Variants in PPP2R5C observed in about 807,000 individuals in gnomAD.
The protein encoded by PPP2R5C is serine/threonine-protein phosphatase 2A 56 kDa regulatory subunit gamma isoform.
Under a neutral mutation model 68.9 loss-of-function variants are expected in PPP2R5C, and 7 were observed. The ratio of observed to expected loss-of-function variants is 0.10; its 90% CI spans 0.06 to 0.19. PPP2R5C has a LOEUF of 0.19. PPP2R5C is among the 10% of genes least tolerant of loss of function. The pLI is 1.00. For missense variants in PPP2R5C, 348 were observed against 641.3 expected (o/e 0.54, Z 4.94); for synonymous variants, 210 against 222.2 (o/e 0.95, Z 0.49).
rs752562122 is a variant in PPP2R5C, at chr14:101,912,489, A to G, written c.1326+16A>G. On this transcript the variant is annotated intron_variant, in intron 12 of 13. Coordinates refer to ENST00000334743, the Ensembl canonical transcript of PPP2R5C. Reference sequence around the variant, plus strand: ...CAATCCCCAGGTACTAAAAAAGAGAATAACATGAAAACGCCCAGGGTTACT... The same window carrying G: ...CAATCCCCAGGTACTAAAAAAGAGAGTAACATGAAAACGCCCAGGGTTACT... 2.5e-6 allele frequency: 4 copies of G among 1,598,530 alleles called. No individual in the cohort carries two copies. Among genetic ancestry groups the G allele is most frequent in the South Asian group, 1.1e-5 (1 of 87,996 alleles).
At chr14:101,801,412 A>T (rs2038857371) in intron 3 of PPP2R5C, among the ~76,000 whole-genome samples, 1 of 152,206 alleles carries the variant, frequency 6.6e-6, no homozygotes, top group African/African-American at 2.4e-5. Flanking sequence ...ATATTTGGGG[A>T]GTGATTCTTC....
intron 5 of PPP2R5C, 83 bp from the exon 8 acceptor site, chr14:101,890,154 G>C: frequency 7.9e-7 from 1 of 1,262,812 alleles, no homozygotes; most frequent in Non-Finnish European, 1.1e-6. Context: ...TTGTTGCCTG[G>C]CTCCATGGCT....
At chr14:101,901,415 A>T (rs2045683746) in intron 8 of PPP2R5C, among the ~76,000 whole-genome samples, 1 of 152,206 alleles carries the variant, frequency 6.6e-6, no homozygotes, top group Non-Finnish European at 1.5e-5. Context: ...GGTCCCAGCT[A>T]CTCAGAGGCT....
At chr14:101,760,923 G>C (rs1377815663), upstream of PPP2R5C, among the ~76,000 whole-genome samples, 1 of 105,020 alleles carries the variant, frequency 9.5e-6, no homozygotes, top group South Asian at 3.7e-4. Flanking sequence ...GCCGAGGGGA[G>C]GGGCTGGCCG....
chr14:101,841,843 G>A (rs1198593452), intron 1 of PPP2R5C, among the ~76,000 whole-genome samples: 1 of 152,198 alleles, frequency 6.6e-6, no homozygotes, highest in Non-Finnish European at 1.5e-5. Flanking sequence ...GAGTCGTGCA[G>A]TCCCTCACAG....
At chr14:101,821,832 T>G (rs2040092182) in intron 1 of PPP2R5C, among the ~76,000 whole-genome samples, 1 of 152,088 alleles carries the variant, frequency 6.6e-6, no homozygotes, top group South Asian at 2.1e-4. Flanking sequence ...GCATAGGTGC[T>G]CTAGGCTAAT....
chr14:101,761,847 G>A (rs1423313715), upstream of PPP2R5C: 5 of 1,037,136 alleles, frequency 4.8e-6, no homozygotes, highest in Admixed American at 5.9e-5. Context: ...TGCTGCGGGG[G>A]CAGGCGGCGG....
intron 2 of PPP2R5C, among the ~76,000 whole-genome samples, chr14:101,870,766 T>C (rs1427094145): frequency 6.6e-6 from 1 of 152,256 alleles, no homozygotes; most frequent in Non-Finnish European, 1.5e-5. Context: ...TTGCAGCCTA[T>C]GTACACAGCA....
At chr14:101,921,422 A>C (rs140093761) in intron 13 of PPP2R5C, 1 of 152,738 alleles carries the variant, frequency 6.5e-6, no homozygotes, top group South Asian at 2.0e-4. Context: ...TTCTGAAAGC[A>C]CTATGGTTAA....
chr14:101,882,325 C>A lies in PPP2R5C; in HGVS notation c.405+54C>A. ...GGGCACTGGTGACACATGGGAATGG[C>A]CTGGGATCCACAGAGCGGGCGCACT... is the stretch of plus-strand genomic sequence containing the variant. On this transcript the variant is annotated intron_variant, in intron 3 of 13. Transcript: ENST00000334743. The surrounding 1 kb of genome is among the most constrained non-coding windows in gnomAD (Gnocchi z 4.9). The A allele has an allele frequency of 1.4e-6, 2 of 1,419,926 alleles. No individual in the cohort carries two copies. Among genetic ancestry groups the A allele is most frequent in the East Asian group, 2.3e-5 (1 of 42,676 alleles). 88.0% of individuals were successfully genotyped at this position (1,419,926 alleles called of 1,614,324 possible). A position where few individuals can be genotyped will look rare whatever the true frequency, so the allele number is the denominator to read the frequency against.
intron 1 of PPP2R5C, chr14:101,824,324 A>G: frequency 1.9e-6 from 1 of 522,730 alleles, no homozygotes; most frequent in Non-Finnish European, 2.9e-6. Context: ...GCTCTGTTTT[A>G]GTGTAGACAT....
intron 2 of PPP2R5C, among the ~76,000 whole-genome samples, chr14:101,865,547 G>A (rs189198620): frequency 3.6e-4 from 55 of 152,344 alleles, no homozygotes; most frequent in African/African-American, 1.3e-3. Flanking sequence ...CCAGAAGGGA[G>A]GGAGTCGTGT....
chr14:101,872,634 T>A (rs754818656), intron 2 of PPP2R5C, among the ~76,000 whole-genome samples: 15 of 152,222 alleles, frequency 9.9e-5, no homozygotes, highest in Non-Finnish European at 1.8e-4. Context: ...GCATTATTTC[T>A]GATGAGATGT....
rs528984607 is a variant in PPP2R5C, at chr14:101,786,173, A to G, written c.249A>G (p.Pro83=). Residue 83 remains proline, a synonymous_variant, in exon 3 of 15, where the codon CCA becomes CCG. Coordinates refer to the PPP2R5C transcript ENST00000328724. ...ATAATAGAGAACTTCAAAAACTACCATCCTTAAAAGGTAATTTTTATTTGT... is the reference window on the plus strand; with the variant it reads ...ATAATAGAGAACTTCAAAAACTACCGTCCTTAAAAGGTAATTTTTATTTGT... The G allele has an allele frequency of 5.8e-6, 9 of 1,560,114 alleles. No homozygotes were observed. In the East Asian group the frequency reaches 9.2e-5, roughly 16 times the overall value.
chr14:101,924,770 T>C (rs58803878), intron 13 of PPP2R5C, among the ~76,000 whole-genome samples: 22,180 of 152,016 alleles, frequency 0.15, 2,440 homozygotes, highest in East Asian at 0.3. Flanking sequence ...AATGCTTCTG[T>C]AGGGGACATG....
intron 1 of PPP2R5C, among the ~76,000 whole-genome samples, chr14:101,837,442 C>T (rs890789217): frequency 2.0e-5 from 3 of 152,128 alleles, no homozygotes; most frequent in African/African-American, 7.2e-5. Context: ...CCACCGTGCC[C>T]GACCCTCATG....
intron 10 of PPP2R5C, among the ~76,000 whole-genome samples, chr14:101,908,190 T>C (rs2046169333): frequency 6.6e-6 from 1 of 152,200 alleles, no homozygotes. Flanking sequence ...ATGCGTAAAG[T>C]ACCTGGCTTA....
intron 2 of PPP2R5C, among the ~76,000 whole-genome samples, chr14:101,763,770 A>G (rs142389849): frequency 9.2e-5 from 14 of 152,176 alleles, no homozygotes; most frequent in African/African-American, 3.4e-4. Context: ...TGGTGTTGCT[A>G]TGTTGCTTTT....
At chr14:101,872,219 C>CTTTTTTTTTTTTTT (rs386382344) in intron 2 of PPP2R5C, among the ~76,000 whole-genome samples, 1 of 91,196 alleles carries the variant, frequency 1.1e-5, no homozygotes, top group Non-Finnish European at 2.0e-5. Flanking sequence ...TTTCTTTTGC[C>CTTTTTTTTTTTTTT]TTTTTTTTTT....
Sources: allele counts gnomAD v4.1 joint callset (sites outside exome capture counted in the v4.1 genomes callset), GRCh38; gene constraint gnomAD v4.1.1; non-coding constraint Gnocchi (gnomAD v3.1); transcripts MANE v1.5; gene names NCBI Gene and HGNC (gene_info 2026-07-23, HGNC 2026-07-21).